RXRA: variants seen among roughly 807,000 people sequenced by gnomAD.
RXRA encodes the protein retinoic acid receptor RXR-alpha.
RXRA carries 5 observed loss-of-function variants against 44.5 expected under a neutral mutation model. The ratio of observed to expected loss-of-function variants is 0.11; its 90% CI spans 0.06 to 0.24. The LOEUF (loss-of-function observed/expected upper bound fraction) is 0.24, where lower values mean the gene tolerates loss of function less well. RXRA is among the 10% of genes least tolerant of loss of function. RXRA has a pLI of 1.00. For synonymous variants in RXRA, 291 were observed against 271.4 expected, an observed-to-expected ratio of 1.07 and a Z score of -0.71; for missense variants, 412 against 646.5, an observed-to-expected ratio of 0.64 and a Z score of 3.93.
chr9:134,340,713 C>T (rs1381720952), intron 1 of RXRA, among the ~76,000 whole-genome samples: 1 of 152,196 alleles, frequency 6.6e-6, no homozygotes, highest in Non-Finnish European at 1.5e-5. Flanking sequence ...CCAGGCTGAG[C>T]AGGTAGATTG....
At chr9:134,424,334 C>T (rs1831398209) in intron 6 of RXRA, 1 of 985,272 alleles carries the variant, frequency 1.0e-6, no homozygotes, top group Non-Finnish European at 1.2e-6. Context: ...GCCTCTGCTC[C>T]TGCCCAGCGG....
chr9:134,341,259 C>T (rs1830082160), intron 1 of RXRA, among the ~76,000 whole-genome samples: 1 of 152,216 alleles, frequency 6.6e-6, no homozygotes, highest in Admixed American at 6.5e-5. Context: ...CAGCTGCTTG[C>T]CCAATATCAT....
At chr9:134,424,760 G>A (rs1422546854) in intron 6 of RXRA, 2 of 985,374 alleles carry the variant, frequency 2.0e-6, no homozygotes, top group African/African-American at 3.5e-5. Context: ...ACTGTGCCTG[G>A]CTGGTGTTGG....
Position 134,426,791 on chromosome 9 carries a change from A to G in RXRA, c.911-2317A>G. The G allele has an allele frequency of 1.0e-6, 1 of 985,376 alleles. No individual in the cohort carries two copies. The highest frequency in any genetic ancestry group is 1.2e-6 in the Non-Finnish European group (1 of 829,906). 61.0% of individuals were successfully genotyped at this position (985,376 alleles called of 1,614,324 possible). On this transcript the variant is annotated intron_variant, in intron 6 of 9. Transcript: ENST00000481739. This position sits in a 1 kb window ranked among gnomAD's most constrained non-coding sequence, Gnocchi z 4.6. ...CAGGCCCGAGAGGCCAGGACTGGCCAGGGATGGTGGGTTTGGGGCCAGTTG... is the reference window on the plus strand; with the variant it reads ...CAGGCCCGAGAGGCCAGGACTGGCCGGGGATGGTGGGTTTGGGGCCAGTTG...
At chr9:134,341,150 G>A (rs1330582331) in intron 1 of RXRA, among the ~76,000 whole-genome samples, 1 of 152,214 alleles carries the variant, frequency 6.6e-6, no homozygotes, top group Non-Finnish European at 1.5e-5. Context: ...CCCCGCCGTG[G>A]GTGGTGGTAC....
intron 1 of RXRA, among the ~76,000 whole-genome samples, chr9:134,383,994 T>A (rs1164472674): frequency 6.6e-6 from 1 of 152,164 alleles, no homozygotes; most frequent in Non-Finnish European, 1.5e-5. Flanking sequence ...GACTAGCATG[T>A]GCCTGTGGTA....
chr9:134,410,753 A>C (rs1262633589), intron 4 of RXRA, among the ~76,000 whole-genome samples: 1 of 152,158 alleles, frequency 6.6e-6, no homozygotes, highest in Non-Finnish European at 1.5e-5. Context: ...AGTCTCTGTG[A>C]GGATGCCACA....
At chr9:134,351,877 C>T (rs1190421245) in intron 1 of RXRA, among the ~76,000 whole-genome samples, 2 of 152,160 alleles carry the variant, frequency 1.3e-5, no homozygotes, top group Admixed American at 6.5e-5. Flanking sequence ...TCTGGCGGGG[C>T]GTGGGGTGTG....
chr9:134,434,723 C>T (rs1831587409), intron 9 of RXRA, among the ~76,000 whole-genome samples: 1 of 152,264 alleles, frequency 6.6e-6, no homozygotes, highest in Admixed American at 6.5e-5. Context: ...TCTGAGTCCA[C>T]AGTGCTGGGT....
chr9:134,379,561 TG>T lies in RXRA; in HGVS notation c.29-22065del, dbSNP rs1830609773. On this transcript the variant is annotated intron_variant, in intron 1 of 9. Coordinates refer to ENST00000481739, the MANE Select transcript of RXRA (RefSeq NM_002957.6). Reference sequence around the variant, plus strand: ...CCAGGGTCTTGGTGGCTCGGCCTCATGGGGGGCTTGCTCCAGGCCTTGGGTG... The same window carrying T: ...CCAGGGTCTTGGTGGCTCGGCCTCATGGGGGCTTGCTCCAGGCCTTGGGTG... The T allele has an allele frequency of 4.1e-6, 4 of 985,630 alleles. No homozygotes were observed. The African/African-American group carries it at 7.0e-5, about 17-fold the overall frequency. The allele number at this position is 985,630 out of a possible 1,614,324, so 61.1% of individuals were successfully genotyped here. A position where few individuals can be genotyped will look rare whatever the true frequency, so the allele number is the denominator to read the frequency against.
chr9:134,351,923 G>T (rs782307258), intron 1 of RXRA, among the ~76,000 whole-genome samples: 1 of 152,144 alleles, frequency 6.6e-6, no homozygotes, highest in Non-Finnish European at 1.5e-5. Flanking sequence ...GCTCTGTTCT[G>T]TGTGCACGTG....
intron 1 of RXRA, among the ~76,000 whole-genome samples, chr9:134,328,437 C>T (rs1476774316): frequency 6.6e-6 from 1 of 152,060 alleles, no homozygotes; most frequent in African/African-American, 2.4e-5. Flanking sequence ...GCCTCCGAGC[C>T]ACTGCCCCAG....
chr9:134,408,590 G>C (rs1029496413), intron 3 of RXRA, among the ~76,000 whole-genome samples: 1 of 152,258 alleles, frequency 6.6e-6, no homozygotes, highest in Non-Finnish European at 1.5e-5. Flanking sequence ...AGCCAGTGCT[G>C]CGCCTCCTCC....
At chr9:134,436,123 A>G (rs889163676) in intron 9 of RXRA, among the ~76,000 whole-genome samples, 3 of 152,334 alleles carry the variant, frequency 2.0e-5, no homozygotes, top group Non-Finnish European at 4.4e-5. Flanking sequence ...TGAGATTACA[A>G]GTGTGAGCCA....
In RXRA at chr9:134,417,492, C is replaced by T. The variant is rs1443461160; in HGVS notation, c.780+165C>T. Among the ~76,000 whole-genome samples, 1 of 152,122 alleles carries T rather than the reference C, an allele frequency of 6.6e-6. No individual in the cohort carries two copies. The highest frequency in any genetic ancestry group is 2.4e-5 in the African/African-American group (1 of 41,436). On this transcript the variant is annotated intron_variant, in intron 5 of 9. Coordinates refer to ENST00000481739, the MANE Select transcript of RXRA (RefSeq NM_002957.6). This position sits in a 1 kb window ranked among gnomAD's most constrained non-coding sequence, Gnocchi z 6.1. ...TCTTACCTGAGGTGACCCCGTGGGCCCCTCGCCCCAGCTGGGCGGCACTCT... is the reference window on the plus strand; with the variant it reads ...TCTTACCTGAGGTGACCCCGTGGGCTCCTCGCCCCAGCTGGGCGGCACTCT...
chr9:134,376,031 T>A (rs1223847645), intron 1 of RXRA, among the ~76,000 whole-genome samples: 1 of 147,008 alleles, frequency 6.8e-6, no homozygotes, highest in Non-Finnish European at 1.5e-5. Flanking sequence ...TGCGGGCAGA[T>A]CATGACAAGC....
At chr9:134,326,937 A>C (rs1468911980) in intron 1 of RXRA, among the ~76,000 whole-genome samples, 4 of 150,076 alleles carry the variant, frequency 2.7e-5, no homozygotes, top group African/African-American at 9.7e-5. Context: ...TCTCCCGCTC[A>C]CCGGCGGCCG....
chr9:134,431,123 C>A (rs1329308259), intron 7 of RXRA, among the ~76,000 whole-genome samples: 1 of 152,234 alleles, frequency 6.6e-6, no homozygotes, highest in Non-Finnish European at 1.5e-5. Flanking sequence ...GGCAACCATC[C>A]CCACCTGGTC....
intron 1 of RXRA, among the ~76,000 whole-genome samples, chr9:134,331,792 T>G (rs1835010507): frequency 6.6e-6 from 1 of 152,260 alleles, no homozygotes; most frequent in African/African-American, 2.4e-5. Context: ...TCTCCGGCAC[T>G]TGACTGGCGG....
Sources: allele counts gnomAD v4.1 joint callset (sites outside exome capture counted in the v4.1 genomes callset), GRCh38; gene constraint gnomAD v4.1.1; non-coding constraint Gnocchi (gnomAD v3.1); transcripts MANE v1.5; gene names NCBI Gene and HGNC (gene_info 2026-07-23, HGNC 2026-07-21).